Variants in ABCB4 observed in about 807,000 individuals in gnomAD.
The protein encoded by ABCB4 is ATP binding cassette subfamily B member 4.
A neutral mutation model predicts 145.7 loss-of-function variants in ABCB4; 76 were observed. That is an observed-to-expected ratio of 0.52 (90% CI 0.43 to 0.63). The LOEUF is 0.63. Among genes scored for constraint, ABCB4 ranks in the 30% least tolerant of loss-of-function variants. The probability of loss-of-function intolerance (pLI) is 0.00; values close to 1 mark genes in which losing one functional copy is unlikely to be tolerated. For synonymous variants in ABCB4, 517 were observed against 566.8 expected, an observed-to-expected ratio of 0.91 and a Z score of 1.25; for missense variants, 1,234 against 1,553.1, an observed-to-expected ratio of 0.79 and a Z score of 3.45.
chr7:87,436,964 G>A (rs1240332131), intron 14 of ABCB4, among the ~76,000 whole-genome samples: 2 of 152,210 alleles, frequency 1.3e-5, no homozygotes, highest in African/African-American at 4.8e-5. Flanking sequence ...CAGATCTTCA[G>A]ATACTGGTCT....
chr7:87,435,690 C>A (rs1281907180), intron 14 of ABCB4, among the ~76,000 whole-genome samples: 1 of 152,148 alleles, frequency 6.6e-6, no homozygotes, highest in East Asian at 1.9e-4. Context: ...TAGGCAAAAC[C>A]AACAGAAAAA....
intron 3 of ABCB4, among the ~76,000 whole-genome samples, chr7:87,464,274 A>G (rs1301686397): frequency 6.6e-6 from 1 of 152,220 alleles, no homozygotes; most frequent in East Asian, 1.9e-4. Flanking sequence ...TTTCAGGGAC[A>G]GGGACAAACT....
chr7:87,435,596 G>C (rs1351363731), intron 14 of ABCB4, among the ~76,000 whole-genome samples: 1 of 152,196 alleles, frequency 6.6e-6, no homozygotes, highest in Non-Finnish European at 1.5e-5. Context: ...CCTGCCTTAG[G>C]CAACAGCCAT....
the ABCB4 span, among the ~76,000 whole-genome samples, chr7:87,372,741 A>G: frequency 1.3e-5 from 2 of 152,138 alleles, no homozygotes; most frequent in Non-Finnish European, 2.9e-5. Flanking sequence ...TTCACTTAGC[A>G]TAATGTTTTC....
chr7:87,367,104 T>C, the ABCB4 span, among the ~76,000 whole-genome samples: 7 of 152,302 alleles, frequency 4.6e-5, no homozygotes, highest in East Asian at 9.6e-4. Context: ...ATTGTTAATA[T>C]GTTAGGTTAC....
chr7:87,391,996 A>G, the ABCB4 span, among the ~76,000 whole-genome samples: 1 of 152,188 alleles, frequency 6.6e-6, no homozygotes, highest in South Asian at 2.1e-4. Context: ...AACAACACCA[A>G]CAAAGTGCAG....
chr7:87,382,873 A>G, the ABCB4 span, among the ~76,000 whole-genome samples: 1 of 152,208 alleles, frequency 6.6e-6, no homozygotes, highest in African/African-American at 2.4e-5. Flanking sequence ...TTGTGATTTT[A>G]TAAATTATCC....
intron 14 of ABCB4, among the ~76,000 whole-genome samples, chr7:87,434,854 G>A (rs1054487287): frequency 2.0e-5 from 3 of 152,244 alleles, no homozygotes; most frequent in African/African-American, 7.2e-5. Flanking sequence ...GCACTGGGCT[G>A]TTGAAGAGAT....
intron 3 of ABCB4, among the ~76,000 whole-genome samples, chr7:87,469,256 T>C (rs978208707): frequency 3.3e-5 from 5 of 152,132 alleles, no homozygotes; most frequent in Non-Finnish European, 7.4e-5. Flanking sequence ...GACAAACCCA[T>C]AGCCAATATC....
chr7:87,427,936 C>T (rs1397018895), intron 15 of ABCB4, among the ~76,000 whole-genome samples: 1 of 152,066 alleles, frequency 6.6e-6, no homozygotes, highest in Non-Finnish European at 1.5e-5. Context: ...TGTAATTGAT[C>T]CCTTGCATTC....
chr7:87,454,436 G>C lies in ABCB4; in HGVS notation c.344+99C>G, dbSNP rs1811976254. ...AAAAATGATAATAATAGGTGAATCTGGGTAAAGAGTACACGTTATTTGTAT... is the reference window on the plus strand; with the variant it reads ...AAAAATGATAATAATAGGTGAATCTCGGTAAAGAGTACACGTTATTTGTAT... On this transcript the variant is annotated intron_variant, in intron 5 of 27. Transcript: ENST00000649586. 9 of 966,862 alleles carry C rather than the reference G, an allele frequency of 9.3e-6. No homozygotes were observed. In the East Asian group the frequency reaches 2.3e-4, roughly 25 times the overall value. 59.9% of individuals were successfully genotyped at this position (966,862 alleles called of 1,614,324 possible).
intron 26 of ABCB4, among the ~76,000 whole-genome samples, chr7:87,405,328 G>A (rs1159386764): frequency 6.6e-6 from 1 of 151,912 alleles, no homozygotes; most frequent in Non-Finnish European, 1.5e-5. Flanking sequence ...ATTCATGTTT[G>A]CCAGAGTTTG....
intron 10 of ABCB4, 35 bp downstream of exon 10, chr7:87,444,827 G>T: frequency 6.7e-7 from 1 of 1,500,050 alleles, no homozygotes; most frequent in Non-Finnish European, 9.2e-7. Flanking sequence ...CAAGCTCAAA[G>T]ACTTCTTTTG....
the ABCB4 span, among the ~76,000 whole-genome samples, chr7:87,374,866 C>G: frequency 6.6e-6 from 1 of 151,982 alleles, no homozygotes; most frequent in African/African-American, 2.4e-5. Flanking sequence ...CATTAGCTCA[C>G]TTCCTGAGAA....
intron 3 of ABCB4, among the ~76,000 whole-genome samples, chr7:87,471,854 C>T (rs1813430981): frequency 6.6e-6 from 1 of 152,150 alleles, no homozygotes; most frequent in South Asian, 2.1e-4. Flanking sequence ...CTAATAGTTA[C>T]CCCCTATTTA....
intron 10 of ABCB4, 100 bp from the exon 11 acceptor site, chr7:87,443,873 G>A (rs1258088331): frequency 6.0e-6 from 5 of 831,686 alleles, no homozygotes; most frequent in Non-Finnish European, 8.1e-6. Context: ...GACCTGGAAT[G>A]TCACAATCCC....
chr7:87,418,721 A>G, intron 19 of ABCB4, 101 bp from the exon 20 acceptor site: 3 of 1,082,582 alleles, frequency 2.8e-6, no homozygotes, highest in Non-Finnish European at 2.8e-6. Context: ...AATTTAGGGG[A>G]GACCTCATAT....
At chr7:87,373,667 A>G in the ABCB4 span, among the ~76,000 whole-genome samples, 588 of 152,202 alleles carry the variant, frequency 3.9e-3, 2 homozygotes, top group Middle Eastern at 6.8e-3. Context: ...GATTGAGAGA[A>G]AAAATGGTGT....
chr7:87,426,958 T>TGC (rs1256032296), intron 15 of ABCB4, 38 bp from the exon 16 acceptor site: 5 of 1,507,578 alleles, frequency 3.3e-6, no homozygotes, highest in Non-Finnish European at 4.6e-6. Context: ...TGTGTGTGTG[T>TGC]GTGTGTGTGT....
Sources: gnomAD v4.1 joint callset for allele counts (sites outside exome capture counted in the v4.1 genomes callset) on GRCh38, gnomAD v4.1.1 for gene constraint, MANE v1.5 for transcripts, NCBI Gene and HGNC (gene_info 2026-07-23, HGNC 2026-07-21) for gene names.